The following UTRN variants were observed in gnomAD, a reference collection of about 807,000 sequenced individuals.
The protein encoded by UTRN is dystrophin-related protein 1.
In UTRN, 283 loss-of-function variants were observed where a neutral mutation model predicts 463.9. That is an observed-to-expected ratio of 0.61 (90% CI 0.55 to 0.67). UTRN has a LOEUF of 0.67. Ranked by LOEUF, UTRN falls within the 30% of genes least tolerant of loss-of-function variation. UTRN has a pLI of 0.00. For missense variants in UTRN, 3,922 were observed against 4,084.3 expected, an observed-to-expected ratio of 0.96 and a Z score of 1.08; for synonymous variants, 1,442 against 1,431.5, an observed-to-expected ratio of 1.01 and a Z score of -0.17.
At chr6:144,448,450 G>A (rs1787915928) in intron 16 of UTRN, 150 bp from the exon 17 acceptor site, 1 of 876,910 alleles carries the variant, frequency 1.1e-6, no homozygotes, top group African/African-American at 1.7e-5. Context: ...AAAATGTTCT[G>A]GAGACAGACT....
In UTRN at chr6:144,487,717, T is replaced by TGG. The variant is rs1792608721; in HGVS notation, c.3972+22_3972+23dup. On this transcript the variant is annotated intron_variant, in intron 29 of 74. Transcript: ENST00000367545. ...CACCTGGTAAGAGTTGGGACATACA[T>TGG]GGGTGTTGATTAGGTATTGATGAAG... 1 of 1,587,528 alleles carries TGG rather than the reference T, an allele frequency of 6.3e-7. No homozygotes were observed. The highest frequency in any genetic ancestry group is 1.4e-5 in the African/African-American group (1 of 74,016).
chr6:144,343,704 T>C (rs1208007898), intron 2 of UTRN, among the ~76,000 whole-genome samples: 1 of 152,252 alleles, frequency 6.6e-6, no homozygotes, highest in Non-Finnish European at 1.5e-5. Flanking sequence ...GAAATCCTTT[T>C]CAGTTTTACT....
At position 144,599,193 on chromosome 6, in the gene UTRN, T is replaced by C. The variant is rs1372654107; in HGVS notation, c.7479+21905T>C. ...TGAAGACCAGGAATTAACCAGCCCA[T>C]GTATTTCCTGATATATACCTGATTT... is the stretch of plus-strand genomic sequence containing the variant. On this transcript the variant is annotated intron_variant, in intron 51 of 74. Transcript: ENST00000367545. 2.0e-5 allele frequency among the ~76,000 whole-genome samples: 3 copies of C among 152,210 alleles called. No homozygotes were observed. The East Asian group carries it at 5.8e-4, about 29-fold the overall frequency.
chr6:144,742,073 G>A (rs1339971355), intron 54 of UTRN, among the ~76,000 whole-genome samples: 3 of 137,286 alleles, frequency 2.2e-5, no homozygotes, highest in Non-Finnish European at 4.5e-5. Flanking sequence ...AATATATCTA[G>A]GTTCTCTTTT....
intron 28 of UTRN, among the ~76,000 whole-genome samples, chr6:144,487,262 C>T (rs557926113): frequency 6.6e-6 from 1 of 152,198 alleles, no homozygotes; most frequent in Admixed American, 6.5e-5. Context: ...AACTCTTGGG[C>T]TCAAGTGATC....
intron 65 of UTRN, among the ~76,000 whole-genome samples, chr6:144,819,314 G>C (rs927275466): frequency 5.3e-5 from 8 of 152,140 alleles, no homozygotes; most frequent in African/African-American, 1.9e-4. Flanking sequence ...TTGATAGAAG[G>C]GGAATGGATA....
intron 2 of UTRN, among the ~76,000 whole-genome samples, chr6:144,322,311 T>TGTGGA (rs1172329172): frequency 2.0e-5 from 3 of 151,120 alleles, no homozygotes; most frequent in Non-Finnish European, 4.4e-5. Context: ...CAAGTGATCT[T>TGTGGA]GGTGGCTCCC....
intron 53 of UTRN, among the ~76,000 whole-genome samples, chr6:144,719,067 C>T (rs76326080): frequency 1.9e-4 from 29 of 152,302 alleles, no homozygotes; most frequent in African/African-American, 6.7e-4. Context: ...AGACTACTTC[C>T]TTCTACTGCA....
At chr6:144,329,974 C>T (rs17073670) in intron 2 of UTRN, among the ~76,000 whole-genome samples, 10,239 of 152,178 alleles carry the variant, frequency 0.067, 1,160 homozygotes, top group African/African-American at 0.23. Flanking sequence ...TAGACTAGTA[C>T]GAGAACCAGA....
intron 2 of UTRN, among the ~76,000 whole-genome samples, chr6:144,396,960 C>A (rs1049333083): frequency 3.3e-5 from 5 of 151,482 alleles, no homozygotes; most frequent in African/African-American, 1.2e-4. Context: ...AAATATGTTC[C>A]TCTGGCCAGG....
chr6:144,700,956 G>C (rs550826997), intron 53 of UTRN, among the ~76,000 whole-genome samples: 12 of 151,550 alleles, frequency 7.9e-5, no homozygotes, highest in African/African-American at 2.7e-4. Flanking sequence ...GCCCAGGCTG[G>C]AGTGCAGTGG....
intron 51 of UTRN, among the ~76,000 whole-genome samples, chr6:144,663,904 T>C (rs1780129970): frequency 1.3e-5 from 2 of 152,334 alleles, no homozygotes; most frequent in South Asian, 4.1e-4. Flanking sequence ...AGTAAACACA[T>C]TTCAAAGTCT....
intron 2 of UTRN, among the ~76,000 whole-genome samples, chr6:144,387,166 G>T (rs6570624): frequency 0.75 from 113,318 of 151,994 alleles, 42,984 homozygotes; most frequent in African/African-American, 0.89. Flanking sequence ...TGAGATGGAG[G>T]CTCATTCACT....
At chr6:144,510,880 A>C in intron 34 of UTRN, 64 bp from the exon 35 acceptor site, 3 of 1,333,906 alleles carry the variant, frequency 2.2e-6, no homozygotes, top group Non-Finnish European at 2.0e-6. Context: ...TAATAATTTA[A>C]GGTTGTATAT....
intron 34 of UTRN, among the ~76,000 whole-genome samples, chr6:144,505,045 G>A (rs1794581070): frequency 6.6e-6 from 1 of 152,052 alleles, no homozygotes; most frequent in African/African-American, 2.4e-5. Context: ...GTTCATTTTT[G>A]TGGAGGTGCT....
intron 51 of UTRN, among the ~76,000 whole-genome samples, chr6:144,628,493 C>A (rs1291010680): frequency 6.6e-6 from 1 of 152,144 alleles, no homozygotes; most frequent in Non-Finnish European, 1.5e-5. Context: ...CACTGAAATG[C>A]TTCTCTTTGG....
intron 48 of UTRN, among the ~76,000 whole-genome samples, chr6:144,553,986 G>C (rs1799160714): frequency 6.6e-6 from 1 of 151,632 alleles, no homozygotes; most frequent in South Asian, 2.1e-4. Context: ...AGAGAAAGGA[G>C]AAGAGAGAAA....
At chr6:144,361,793 A>G (rs1438015416) in intron 2 of UTRN, among the ~76,000 whole-genome samples, 6 of 139,916 alleles carry the variant, frequency 4.3e-5, no homozygotes, top group Non-Finnish European at 9.1e-5. Flanking sequence ...TTTTGTAGAG[A>G]TGGGGTCTCG....
intron 2 of UTRN, among the ~76,000 whole-genome samples, chr6:144,381,301 C>A (rs1467859687): frequency 6.6e-6 from 1 of 152,140 alleles, no homozygotes; most frequent in Non-Finnish European, 1.5e-5. Context: ...TGTTAATTTG[C>A]TAAGGATAAT....
Sources: gnomAD v4.1 joint callset for allele counts (sites outside exome capture counted in the v4.1 genomes callset) on GRCh38, gnomAD v4.1.1 for gene constraint, MANE v1.5 for transcripts, NCBI Gene and HGNC (gene_info 2026-07-23, HGNC 2026-07-21) for gene names.